Variants in GALNT13 observed in about 807,000 individuals in gnomAD.
GALNT13 encodes the protein polypeptide N-acetylgalactosaminyltransferase 13.
A neutral mutation model predicts 64.2 loss-of-function variants in GALNT13; 28 were observed. The observed-to-expected ratio is 0.44, with a 90% CI of 0.32 to 0.60. The LOEUF is 0.60. Among genes scored for constraint, GALNT13 ranks in the 20% least tolerant of loss-of-function variants. The pLI, the probability that GALNT13 is intolerant of heterozygous loss-of-function variation, is 0.05. For missense variants in GALNT13, 577 were observed against 669.8 expected, an observed-to-expected ratio of 0.86 and a Z score of 1.53; for synonymous variants, 214 against 224.6, an observed-to-expected ratio of 0.95 and a Z score of 0.42.
At chr2:153,983,948 AG>A (rs1694631009) in intron 3 of GALNT13, among the ~76,000 whole-genome samples, 2 of 152,090 alleles carry the variant, frequency 1.3e-5, no homozygotes, top group Admixed American at 1.3e-4. Flanking sequence ...ATGGTATCAC[AG>A]AACTGCAATA....
chr2:154,408,713 A>T (rs529322547), intron 10 of GALNT13, among the ~76,000 whole-genome samples: 1 of 152,030 alleles, frequency 6.6e-6, no homozygotes, highest in Middle Eastern at 3.2e-3. Context: ...TCCTTCTTCT[A>T]TGATACTATG....
the GALNT13 span, among the ~76,000 whole-genome samples, chr2:153,248,107 A>G: frequency 6.6e-6 from 1 of 152,184 alleles, no homozygotes; most frequent in African/African-American, 2.4e-5. Flanking sequence ...AATGAGACAG[A>G]TTCACAGCCG....
intron 3 of GALNT13, among the ~76,000 whole-genome samples, chr2:153,957,352 C>T (rs4510169): frequency 0.13 from 19,274 of 152,098 alleles, 2,185 homozygotes; most frequent in African/African-American, 0.3. Flanking sequence ...CTGGAGACCC[C>T]GAACTACCAA....
At chr2:153,251,751 G>T in the GALNT13 span, among the ~76,000 whole-genome samples, 1 of 151,738 alleles carries the variant, frequency 6.6e-6, no homozygotes, top group African/African-American at 2.4e-5. Context: ...ATAGTTTACT[G>T]AGAGTGATGA....
the GALNT13 span, among the ~76,000 whole-genome samples, chr2:153,172,488 A>C: frequency 2.0e-5 from 3 of 152,068 alleles, no homozygotes; most frequent in African/African-American, 7.2e-5. Context: ...AGGGGATTTA[A>C]AGCACCACTG....
At chr2:153,555,320 G>A in the GALNT13 span, among the ~76,000 whole-genome samples, 7 of 130,978 alleles carry the variant, frequency 5.3e-5, no homozygotes, top group African/African-American at 6.0e-5. Flanking sequence ...TCAGCCTCCC[G>A]AGTAGCTGGG....
chr2:153,851,578 A>T, the GALNT13 span, among the ~76,000 whole-genome samples: 1 of 151,586 alleles, frequency 6.6e-6, no homozygotes, highest in Non-Finnish European at 1.5e-5. Context: ...GATGGCATAC[A>T]CCTGTAGTCG....
chr2:153,411,377 C>T, the GALNT13 span, among the ~76,000 whole-genome samples: 1 of 152,048 alleles, frequency 6.6e-6, no homozygotes, highest in Non-Finnish European at 1.5e-5. Context: ...ACATGGGAAG[C>T]TCAGGGTACT....
the GALNT13 span, among the ~76,000 whole-genome samples, chr2:153,709,755 A>T: frequency 6.6e-6 from 1 of 152,078 alleles, no homozygotes; most frequent in East Asian, 1.9e-4. Context: ...GCCCATCAAC[A>T]AATGGATACA....
intron 9 of GALNT13, among the ~76,000 whole-genome samples, chr2:154,362,564 T>C (rs929348714): frequency 2.6e-5 from 4 of 151,780 alleles, no homozygotes; most frequent in African/African-American, 4.8e-5. Flanking sequence ...CATCTTAAAC[T>C]AGCCAACCCC....
intron 3 of GALNT13, among the ~76,000 whole-genome samples, chr2:153,994,127 C>T (rs996549052): frequency 2.0e-5 from 3 of 152,072 alleles, no homozygotes; most frequent in Non-Finnish European, 4.4e-5. Context: ...CAAGTGTTCT[C>T]ATTGTTCAAT....
At chr2:154,312,592 A>G (rs1327109665) in intron 9 of GALNT13, among the ~76,000 whole-genome samples, 2 of 152,222 alleles carry the variant, frequency 1.3e-5, no homozygotes, top group Non-Finnish European at 2.9e-5. Flanking sequence ...ACAAAAAGAT[A>G]TTTTAAAAGA....
chr2:153,932,657 C>T (rs1213936376), intron 2 of GALNT13, among the ~76,000 whole-genome samples: 10 of 123,628 alleles, frequency 8.1e-5, no homozygotes, highest in Admixed American at 5.0e-4. Context: ...GATGGAGTCT[C>T]GCTCTTGTTG....
the GALNT13 span, among the ~76,000 whole-genome samples, chr2:153,448,080 GC>G: frequency 2.7e-3 from 412 of 152,270 alleles, 17 homozygotes; most frequent in East Asian, 0.073. Context: ...TGTTTGCAAA[GC>G]CAGAATTTTA....
the GALNT13 span, among the ~76,000 whole-genome samples, chr2:153,418,992 A>G: frequency 6.6e-6 from 1 of 152,178 alleles, no homozygotes; most frequent in African/African-American, 2.4e-5. Context: ...TTATCTCCAT[A>G]CCATAGATTA....
the GALNT13 span, among the ~76,000 whole-genome samples, chr2:153,859,309 C>T: frequency 5.3e-5 from 8 of 152,260 alleles, no homozygotes; most frequent in South Asian, 2.1e-4. Flanking sequence ...TTTTCTAACA[C>T]GTGAAGATAC....
chr2:154,442,805 T>C (rs1416542527), intron 12 of GALNT13, among the ~76,000 whole-genome samples: 2 of 152,068 alleles, frequency 1.3e-5, no homozygotes, highest in African/African-American at 2.4e-5. Flanking sequence ...AGAACACTTA[T>C]GTTCAACAAA....
intron 9 of GALNT13, among the ~76,000 whole-genome samples, chr2:154,367,399 G>C (rs1372972597): frequency 6.6e-6 from 1 of 152,164 alleles, no homozygotes. Context: ...GATTTTGTTA[G>C]CCATTAGTTA....
intron 3 of GALNT13, among the ~76,000 whole-genome samples, chr2:154,025,603 G>A (rs1298966465): frequency 6.6e-6 from 1 of 152,030 alleles, no homozygotes; most frequent in Non-Finnish European, 1.5e-5. Context: ...AATCATTCTG[G>A]ATTTTTAATT....
Sources: allele counts gnomAD v4.1 joint callset (sites outside exome capture counted in the v4.1 genomes callset), GRCh38; gene constraint gnomAD v4.1.1; transcripts MANE v1.5; gene names NCBI Gene and HGNC (gene_info 2026-07-23, HGNC 2026-07-21).